PER2: variants seen among roughly 807,000 people sequenced by gnomAD.
PER2 encodes period circadian protein homolog 2.
Under a neutral mutation model 121.0 loss-of-function variants are expected in PER2, and 66 were observed. The observed-to-expected ratio is 0.55, with a 90% CI of 0.45 to 0.67. The LOEUF (loss-of-function observed/expected upper bound fraction) is 0.67, where lower values mean the gene tolerates loss of function less well. Among genes scored for constraint, PER2 ranks in the 30% least tolerant of loss-of-function variants. PER2 has a pLI of 0.00. For synonymous variants in PER2, 684 were observed against 659.9 expected, an observed-to-expected ratio of 1.04 and a Z score of -0.56; for missense variants, 1,521 against 1,635.0, an observed-to-expected ratio of 0.93 and a Z score of 1.20.
At chr2:238,265,256 T>C (rs1296435252) in intron 9 of PER2, among the ~76,000 whole-genome samples, 1 of 152,192 alleles carries the variant, frequency 6.6e-6, no homozygotes, top group South Asian at 2.1e-4. Context: ...TGGACCATTA[T>C]CCACTCCGAA....
rs1010485454 is a variant in PER2 at position 238,271,394 on chromosome 2, G to A, written c.690C>T (p.Phe230=). ...ACACGCCCACATCGTGAGGCGCCAG[G>A]AACTCCACAAACTTGGCATCGCTGA... ...DAFSDAKFVE[F]LAPHDVGVFH... Residue 230 remains phenylalanine, a synonymous_variant, in exon 6 of 23, where the codon TTC becomes TTT. Transcript: ENST00000254657. 3.1e-6 allele frequency: 5 copies of A among 1,614,064 alleles called. No homozygotes were observed. Among genetic ancestry groups the A allele is most frequent in the Non-Finnish European group, 4.2e-6 (5 of 1,180,000 alleles).
At chr2:238,283,484 C>T (rs2106330573) in intron 1 of PER2, among the ~76,000 whole-genome samples, 1 of 152,356 alleles carries the variant, frequency 6.6e-6, no homozygotes, top group African/African-American at 2.4e-5. Flanking sequence ...AGAGGAAGAA[C>T]ATTCTAGGCA....
intron 1 of PER2, among the ~76,000 whole-genome samples, chr2:238,279,055 A>C (rs1696548387): frequency 6.6e-6 from 1 of 152,002 alleles, no homozygotes; most frequent in Non-Finnish European, 1.5e-5. Context: ...GAACAGAGAC[A>C]GGGAGTAGGG....
At chr2:238,283,359 C>T (rs1200064039) in intron 1 of PER2, among the ~76,000 whole-genome samples, 1 of 152,234 alleles carries the variant, frequency 6.6e-6, no homozygotes, top group Non-Finnish European at 1.5e-5. Flanking sequence ...CCTTACCTCC[C>T]TTTTCCTTTT....
At chr2:238,283,775 G>C (rs1332372807) in intron 1 of PER2, among the ~76,000 whole-genome samples, 1 of 152,182 alleles carries the variant, frequency 6.6e-6, no homozygotes, top group Non-Finnish European at 1.5e-5. Context: ...CTGCCAAGGG[G>C]CCGCCCAGGG....
intron 1 of PER2, among the ~76,000 whole-genome samples, chr2:238,278,383 G>A (rs948350724): frequency 2.6e-5 from 4 of 152,114 alleles, no homozygotes; most frequent in Non-Finnish European, 5.9e-5. Context: ...CCCTTTCATC[G>A]GGATCAATCA....
intron 1 of PER2, among the ~76,000 whole-genome samples, chr2:238,279,451 C>G (rs1696565366): frequency 6.6e-6 from 1 of 152,176 alleles, no homozygotes; most frequent in Admixed American, 6.5e-5. Context: ...GATTCCAGGC[C>G]TGCCGGCATC....
intron 18 of PER2, 46 bp downstream of exon 18, chr2:238,255,611 G>C: frequency 6.2e-7 from 1 of 1,600,940 alleles, no homozygotes; most frequent in Middle Eastern, 1.7e-4. Flanking sequence ...AGTACCAACA[G>C]GAATAAAGTT....
chr2:238,273,482 T>C (rs34897410), intron 4 of PER2, among the ~76,000 whole-genome samples: 13,951 of 151,554 alleles, frequency 0.092, 694 homozygotes, highest in South Asian at 0.13. Flanking sequence ...CTGCCTCTCA[T>C]GTTCTCCAGA....
intron 16 of PER2, among the ~76,000 whole-genome samples, chr2:238,257,415 C>T (rs1047658978): frequency 6.6e-6 from 1 of 152,206 alleles, no homozygotes; most frequent in Non-Finnish European, 1.5e-5. Context: ...CTTCTGCAGG[C>T]CTGTGGGGAG....
intron 18 of PER2, chr2:238,254,749 GTA>G (rs1652604200): frequency 6.6e-6 from 1 of 152,294 alleles, no homozygotes; most frequent in Non-Finnish European, 1.5e-5. Context: ...TGGCCATGGA[GTA>G]CACCTTTTTC....
intron 11 of PER2, 107 bp from the exon 12 acceptor site, chr2:238,261,944 T>C: frequency 2.5e-6 from 2 of 805,692 alleles, no homozygotes; most frequent in Non-Finnish European, 4.1e-6. Flanking sequence ...CCTCTGCCTC[T>C]CCCCTGCAGC....
intron 18 of PER2, chr2:238,255,399 T>C (rs1447228196): frequency 5.3e-6 from 3 of 567,052 alleles, no homozygotes; most frequent in Non-Finnish European, 9.5e-6. Flanking sequence ...ATGGCAGCAC[T>C]GCCCTGCCAT....
intron 6 of PER2, among the ~76,000 whole-genome samples, chr2:238,270,263 G>A (rs1024872717): frequency 1.3e-4 from 20 of 152,226 alleles, no homozygotes; most frequent in African/African-American, 3.1e-4. Flanking sequence ...GGCTTACATC[G>A]GTATTTTGGT....
At chr2:238,256,807 C>T (rs981350588) in intron 17 of PER2, 115 bp downstream of exon 17, 2 of 1,086,038 alleles carry the variant, frequency 1.8e-6, no homozygotes, top group South Asian at 1.5e-5. Context: ...CTGAAACGCC[C>T]CCTATCGGGC....
upstream of PER2, among the ~76,000 whole-genome samples, chr2:238,294,223 G>A (rs1261427395): frequency 6.6e-6 from 1 of 152,214 alleles, no homozygotes; most frequent in Non-Finnish European, 1.5e-5. Context: ...AGGCTCCCTG[G>A]CTCTGTCCCT....
rs186111455 is a variant in PER2 at position 238,266,193 on chromosome 2, G to A, written c.968-603C>T. Among the ~76,000 whole-genome samples the A allele has an allele frequency of 1.0e-3, 154 of 152,074 alleles. 1 individual carries two copies. Among genetic ancestry groups the A allele is most frequent in the East Asian group, 7.6e-3 (39 of 5,132 alleles). Reference sequence around the variant, plus strand: ...GCTGGGACTACAGGCGTGAGCCACTGCGCCCGGCCCCATCTTTATGATGTT... The same window carrying A: ...GCTGGGACTACAGGCGTGAGCCACTACGCCCGGCCCCATCTTTATGATGTT... On this transcript the variant is annotated intron_variant, in intron 8 of 22. Transcript: ENST00000254657.
Position 238,275,873 on chromosome 2 carries a change from G to A in PER2, c.318C>T (p.Asp106=). 1 of 1,614,232 alleles carries A rather than the reference G, an allele frequency of 6.2e-7. No homozygotes were observed. The highest frequency in any genetic ancestry group is 8.5e-7 in the Non-Finnish European group (1 of 1,180,032). Residue 106 remains aspartate (D), a synonymous_variant, in exon 4 of 23, where the codon GAC becomes GAT. Coordinates refer to ENST00000254657, the MANE Select transcript of PER2 (RefSeq NM_022817.3). ...GCSSDQSSKV[D]THKELIKTLK... ...GTGTTTTTATCAGTTCTTTGTGTGT[G>A]TCCACTTTCGAAGACTGGTCGCTAC...
intron 4 of PER2, among the ~76,000 whole-genome samples, chr2:238,275,322 C>T (rs1177067607): frequency 6.6e-6 from 1 of 152,190 alleles, no homozygotes; most frequent in Non-Finnish European, 1.5e-5. Flanking sequence ...ATGGTCTCTG[C>T]CTGCTCGTCA....
Sources: allele counts gnomAD v4.1 joint callset (sites outside exome capture counted in the v4.1 genomes callset), GRCh38; gene constraint gnomAD v4.1.1; transcripts MANE v1.5; gene names NCBI Gene and HGNC (gene_info 2026-07-23, HGNC 2026-07-21).